NDUFAF2: variants seen among roughly 807,000 people sequenced by gnomAD.
NDUFAF2 encodes the protein NADH dehydrogenase [ubiquinone] 1 alpha subcomplex assembly factor 2.
A neutral mutation model predicts 22.8 loss-of-function variants in NDUFAF2; 13 were observed. The observed-to-expected ratio is 0.57, with a 90% CI of 0.37 to 0.91. The LOEUF (loss-of-function observed/expected upper bound fraction) is 0.91. NDUFAF2 is among the 40% of genes least tolerant of loss of function. The pLI, the probability that NDUFAF2 is intolerant of heterozygous loss-of-function variation, is 0.01. For synonymous variants in NDUFAF2, 53 were observed against 64.2 expected (o/e 0.83, Z 0.84); for missense variants, 162 against 195.2 (o/e 0.83, Z 1.01).
At chr5:61,136,005 T>TATATATATATATATATATATATA (rs1411594766) in intron 3 of NDUFAF2, among the ~76,000 whole-genome samples, 4 of 96,026 alleles carry the variant, frequency 4.2e-5, no homozygotes, top group Non-Finnish European at 8.0e-5. Flanking sequence ...AAGCCTGTCT[T>TATATATATATATATATATATATA]TATATATATA....
intron 3 of NDUFAF2, among the ~76,000 whole-genome samples, chr5:61,136,830 A>G (rs1039566805): frequency 6.6e-6 from 1 of 152,176 alleles, no homozygotes; most frequent in African/African-American, 2.4e-5. Flanking sequence ...AAGCTGGGGT[A>G]TTTATCCACC....
At chr5:61,022,377 A>G (rs1310491483) in intron 1 of NDUFAF2, among the ~76,000 whole-genome samples, 1 of 152,194 alleles carries the variant, frequency 6.6e-6, no homozygotes, top group Non-Finnish European at 1.5e-5. Flanking sequence ...TGGGAGAAAT[A>G]AATTCTCAGT....
At chr5:61,062,154 A>G (rs992015277) in intron 1 of NDUFAF2, among the ~76,000 whole-genome samples, 3 of 152,188 alleles carry the variant, frequency 2.0e-5, no homozygotes, top group Non-Finnish European at 2.9e-5. Flanking sequence ...AGAAACATGG[A>G]AAAGCAAGGA....
At chr5:60,966,219 T>C (rs1750756700) in intron 1 of NDUFAF2, among the ~76,000 whole-genome samples, 1 of 152,276 alleles carries the variant, frequency 6.6e-6, no homozygotes, top group South Asian at 2.1e-4. Context: ...AATCAGTTAT[T>C]AGTTTTTTTT....
intron 3 of NDUFAF2, among the ~76,000 whole-genome samples, chr5:61,131,357 T>G (rs10054247): frequency 0.11 from 16,696 of 151,946 alleles, 1,100 homozygotes; most frequent in South Asian, 0.22. Context: ...GTTGTTTTTT[T>G]GGGGGGTTTT....
intron 1 of NDUFAF2, among the ~76,000 whole-genome samples, chr5:60,984,140 G>C (rs1356302740): frequency 6.6e-6 from 1 of 152,094 alleles, no homozygotes; most frequent in Non-Finnish European, 1.5e-5. Flanking sequence ...TGGATTCCTA[G>C]GTATTTTATT....
chr5:60,965,798 T>G (rs1305181949), intron 1 of NDUFAF2, among the ~76,000 whole-genome samples: 1 of 152,214 alleles, frequency 6.6e-6, no homozygotes, highest in African/African-American at 2.4e-5. Flanking sequence ...TTCCCTATCT[T>G]GATTATTCTA....
chr5:61,028,724 T>C (rs1340995465), intron 1 of NDUFAF2, among the ~76,000 whole-genome samples: 1 of 152,158 alleles, frequency 6.6e-6, no homozygotes, highest in Non-Finnish European at 1.5e-5. Flanking sequence ...AGAAATGGCA[T>C]TGCTATGGCA....
intron 1 of NDUFAF2, among the ~76,000 whole-genome samples, chr5:61,045,022 T>TA (rs1554081092): frequency 7.8e-6 from 1 of 128,072 alleles, no homozygotes; most frequent in Admixed American, 7.9e-5. Flanking sequence ...GTATTAAATT[T>TA]ATTAAATTTT....
intron 1 of NDUFAF2, among the ~76,000 whole-genome samples, chr5:60,988,981 T>C (rs1751120250): frequency 6.6e-6 from 1 of 152,098 alleles, no homozygotes; most frequent in East Asian, 1.9e-4. Flanking sequence ...ATCAACAGAG[T>C]AAACAGACAA....
chr5:61,086,398 CTT>C lies in NDUFAF2; in HGVS notation c.218-12593_218-12592del, dbSNP rs541709351. Among the ~76,000 whole-genome samples, 222 of 152,152 alleles carry C rather than the reference CTT, an allele frequency of 1.5e-3. 2 individuals are homozygous for C. Among genetic ancestry groups the C allele is most frequent in the African/African-American group, 5.2e-3 (215 of 41,546 alleles). On this transcript the variant is annotated intron_variant, in intron 2 of 3. Coordinates refer to ENST00000296597, the MANE Select transcript of NDUFAF2 (RefSeq NM_174889.5). ...GAAAGAACAAGATTGGAGAATTTAA[CTT>C]AATATAAATCTACATTTATCAAGGT...
intron 1 of NDUFAF2, among the ~76,000 whole-genome samples, chr5:61,005,202 C>T (rs1196238792): frequency 6.6e-6 from 1 of 152,076 alleles, no homozygotes; most frequent in Non-Finnish European, 1.5e-5. Flanking sequence ...GTTTTCTGTC[C>T]TTGTGATAGT....
intron 1 of NDUFAF2, among the ~76,000 whole-genome samples, chr5:60,981,767 A>G (rs10043790): frequency 0.065 from 9,934 of 152,264 alleles, 1,073 homozygotes; most frequent in African/African-American, 0.23. Context: ...ACACAGACCA[A>G]TGAACACAAT....
At chr5:61,102,578 AC>A (rs1187575527) in intron 3 of NDUFAF2, among the ~76,000 whole-genome samples, 6 of 152,292 alleles carry the variant, frequency 3.9e-5, no homozygotes, top group African/African-American at 1.4e-4. Flanking sequence ...GAAGAAAAAA[AC>A]AATGGAATAT....
At chr5:61,020,843 G>A (rs1751572652) in intron 1 of NDUFAF2, among the ~76,000 whole-genome samples, 1 of 151,896 alleles carries the variant, frequency 6.6e-6, no homozygotes, top group African/African-American at 2.4e-5. Context: ...TTACAGGTGT[G>A]TACCACCACG....
At chr5:61,087,460 AGACT>A (rs1752517433) in intron 2 of NDUFAF2, among the ~76,000 whole-genome samples, 1 of 152,190 alleles carries the variant, frequency 6.6e-6, no homozygotes, top group Non-Finnish European at 1.5e-5. Flanking sequence ...ACATACAACT[AGACT>A]GACTAATATT....
chr5:61,019,716 C>A (rs1751554473), intron 1 of NDUFAF2, among the ~76,000 whole-genome samples: 1 of 151,884 alleles, frequency 6.6e-6, no homozygotes, highest in Non-Finnish European at 1.5e-5. Context: ...AGGAAAATAC[C>A]TGGTTTTTAA....
At chr5:61,023,120 T>C (rs964733558) in intron 1 of NDUFAF2, among the ~76,000 whole-genome samples, 167 of 152,298 alleles carry the variant, frequency 1.1e-3, no homozygotes, top group African/African-American at 4.0e-3. Flanking sequence ...CCTTCTTCTG[T>C]CATTTCCTTC....
At chr5:61,053,483 A>G (rs1752049432) in intron 1 of NDUFAF2, among the ~76,000 whole-genome samples, 1 of 152,180 alleles carries the variant, frequency 6.6e-6, no homozygotes, top group Non-Finnish European at 1.5e-5. Context: ...CAGGTCTTAC[A>G]TGGTCTTTAT....
Sources: allele counts gnomAD v4.1 joint callset (sites outside exome capture counted in the v4.1 genomes callset), GRCh38; gene constraint gnomAD v4.1.1; transcripts MANE v1.5; gene names NCBI Gene and HGNC (gene_info 2026-07-23, HGNC 2026-07-21).